Variants in SLX4IP observed in about 807,000 individuals in gnomAD.
The protein encoded by SLX4IP is SLX4 interacting protein.
A neutral mutation model predicts 32.9 loss-of-function variants in SLX4IP; 34 were observed. That is an observed-to-expected ratio of 1.03 (90% CI 0.79 to 1.38). The LOEUF (loss-of-function observed/expected upper bound fraction) is 1.38, where lower values mean the gene tolerates loss of function less well. Among genes scored for constraint, SLX4IP ranks in the 40% most tolerant of loss-of-function variants. The pLI is 0.00. For missense variants in SLX4IP, 444 were observed against 479.0 expected (o/e 0.93, Z 0.68); for synonymous variants, 172 against 171.7 (o/e 1.00, Z -0.01).
chr20:10,588,038 G>A (rs1044544201), intron 4 of SLX4IP, among the ~76,000 whole-genome samples: 1 of 151,604 alleles, frequency 6.6e-6, no homozygotes, highest in African/African-American at 2.4e-5. Context: ...AAATGAAAAG[G>A]TAACCTATAG....
intron 4 of SLX4IP, among the ~76,000 whole-genome samples, chr20:10,597,478 C>T (rs1360310258): frequency 6.6e-6 from 1 of 152,188 alleles, no homozygotes; most frequent in African/African-American, 2.4e-5. Flanking sequence ...AAATCTGTTG[C>T]CACCCTATGA....
intron 2 of SLX4IP, among the ~76,000 whole-genome samples, chr20:10,519,261 T>C (rs2065884123): frequency 6.6e-6 from 1 of 152,172 alleles, no homozygotes; most frequent in Admixed American, 6.5e-5. Context: ...AATTCAGTAG[T>C]TTTTAGTATC....
intron 1 of SLX4IP, among the ~76,000 whole-genome samples, chr20:10,442,702 A>T (rs2122317764): frequency 6.6e-6 from 1 of 152,350 alleles, no homozygotes; most frequent in African/African-American, 2.4e-5. Context: ...TTATTCTGTA[A>T]ACCTGGTCAC....
chr20:10,577,237 G>A (rs2066533039), intron 4 of SLX4IP, among the ~76,000 whole-genome samples: 1 of 152,064 alleles, frequency 6.6e-6, no homozygotes, highest in African/African-American at 2.4e-5. Flanking sequence ...TAAAATACTA[G>A]TGTTTTCATA....
At chr20:10,549,289 C>G (rs572824845) in intron 2 of SLX4IP, among the ~76,000 whole-genome samples, 3 of 152,272 alleles carry the variant, frequency 2.0e-5, no homozygotes, top group South Asian at 2.1e-4. Flanking sequence ...GTGAGGCTTT[C>G]ACTGCCTCAC....
chr20:10,478,055 C>T (rs187844392), intron 2 of SLX4IP, among the ~76,000 whole-genome samples: 34 of 152,082 alleles, frequency 2.2e-4, no homozygotes, highest in African/African-American at 7.7e-4. Flanking sequence ...CACTCTGCCA[C>T]GCCTGGCTAA....
At chr20:10,544,420 C>T (rs1025025924) in intron 2 of SLX4IP, among the ~76,000 whole-genome samples, 1 of 152,202 alleles carries the variant, frequency 6.6e-6, no homozygotes, top group Non-Finnish European at 1.5e-5. Context: ...GTGTCCACTC[C>T]AGTTGCCAAG....
rs140161130 is a variant in SLX4IP, at chr20:10,564,138, C to T, written c.238+3318C>T. Among the ~76,000 whole-genome samples, 1,056 of 152,122 alleles carry T rather than the reference C, an allele frequency of 6.9e-3. 7 individuals carry two copies. The highest frequency in any genetic ancestry group is 0.011 in the Non-Finnish European group (760 of 68,002). On this transcript the variant is annotated intron_variant, in intron 4 of 7. Transcript: ENST00000334534. ...GACAAGAGGGACACGCCATGGTATA[C>T]CACCGTCTTATATTGTTTATTAACA...
At chr20:10,602,260 C>A (rs1392546028) in intron 6 of SLX4IP, among the ~76,000 whole-genome samples, 2 of 152,092 alleles carry the variant, frequency 1.3e-5, no homozygotes, top group Non-Finnish European at 2.9e-5. Context: ...TGTATTATTT[C>A]ATAGCTGATA....
chr20:10,538,409 C>A (rs895879712), intron 2 of SLX4IP, among the ~76,000 whole-genome samples: 17 of 152,086 alleles, frequency 1.1e-4, no homozygotes, highest in African/African-American at 4.1e-4. Context: ...CCATTAGATG[C>A]CAGCTGTGAC....
intron 2 of SLX4IP, among the ~76,000 whole-genome samples, chr20:10,474,028 G>C (rs183074416): frequency 1.1e-3 from 166 of 152,172 alleles, no homozygotes; most frequent in African/African-American, 3.5e-3. Context: ...TCACCATGTT[G>C]GCCAGACTGG....
intron 6 of SLX4IP, chr20:10,613,920 T>A: frequency 7.7e-7 from 1 of 1,304,738 alleles, no homozygotes; most frequent in South Asian, 1.2e-5. Flanking sequence ...TAGCCGCCAA[T>A]ACGCCTCCCA....
chr20:10,541,942 C>T (rs1471248605), intron 2 of SLX4IP, among the ~76,000 whole-genome samples: 1 of 152,156 alleles, frequency 6.6e-6, no homozygotes, highest in African/African-American at 2.4e-5. Flanking sequence ...CTCTAAAGCC[C>T]ATGCTTTGCA....
chr20:10,445,447 C>G (rs1318425436), intron 1 of SLX4IP, among the ~76,000 whole-genome samples: 2 of 150,666 alleles, frequency 1.3e-5, no homozygotes, highest in Non-Finnish European at 2.9e-5. Flanking sequence ...TCCCTAGTAG[C>G]TGGGATTACA....
At chr20:10,527,538 A>C (rs1235913404) in intron 2 of SLX4IP, among the ~76,000 whole-genome samples, 1 of 152,204 alleles carries the variant, frequency 6.6e-6, no homozygotes, top group African/African-American at 2.4e-5. Flanking sequence ...TCCTGTCCCC[A>C]AGGAAGATGT....
intron 1 of SLX4IP, among the ~76,000 whole-genome samples, chr20:10,436,484 G>A (rs2065116414): frequency 6.6e-6 from 1 of 152,058 alleles, no homozygotes; most frequent in Admixed American, 6.5e-5. Context: ...AGCGTTCCCA[G>A]TAGCTGGGAT....
At chr20:10,615,863 A>G (rs1169589972) in intron 6 of SLX4IP, among the ~76,000 whole-genome samples, 2 of 152,164 alleles carry the variant, frequency 1.3e-5, no homozygotes, top group Non-Finnish European at 2.9e-5. Context: ...TGGAAGGACA[A>G]TAGGTCCAAC....
At chr20:10,467,441 G>A (rs964519568) in intron 2 of SLX4IP, among the ~76,000 whole-genome samples, 2 of 152,188 alleles carry the variant, frequency 1.3e-5, no homozygotes, top group Non-Finnish European at 2.9e-5. Flanking sequence ...TTGTCCCTGT[G>A]AAACTTTTAA....
chr20:10,462,444 A>G (rs1846241745), intron 2 of SLX4IP, among the ~76,000 whole-genome samples: 1 of 152,238 alleles, frequency 6.6e-6, no homozygotes, highest in Admixed American at 6.5e-5. Flanking sequence ...AACAGATTAC[A>G]GACAGAGAAT....
Sources: gnomAD v4.1 joint callset for allele counts (sites outside exome capture counted in the v4.1 genomes callset) on GRCh38, gnomAD v4.1.1 for gene constraint, MANE v1.5 for transcripts, NCBI Gene and HGNC (gene_info 2026-07-23, HGNC 2026-07-21) for gene names.